Variants in SAMD12 observed in about 807,000 individuals in gnomAD.
SAMD12 encodes sterile alpha motif domain containing 12, also known as sterile alpha motif domain-containing protein 12.
SAMD12 carries 9 observed loss-of-function variants against 15.0 expected under a neutral mutation model. The ratio of observed to expected loss-of-function variants is 0.60; its 90% confidence interval spans 0.36 to 1.05. SAMD12 has a LOEUF of 1.05. Among genes scored for constraint, SAMD12 ranks in the 50% least tolerant of loss-of-function variants. The probability of loss-of-function intolerance (pLI) is 0.01; values close to 1 mark genes in which losing one functional copy is unlikely to be tolerated. For missense variants in SAMD12, 230 were observed against 234.2 expected (o/e 0.98, Z 0.12); for synonymous variants, 86 against 90.1 (o/e 0.96, Z 0.25).
chr8:118,170,233 C>A, the SAMD12 span, among the ~76,000 whole-genome samples: 48 of 152,176 alleles, frequency 3.2e-4, no homozygotes, highest in African/African-American at 1.1e-3. Flanking sequence ...AGATTAAATG[C>A]CATCCATACT....
the SAMD12 span, among the ~76,000 whole-genome samples, chr8:118,140,278 A>AT: frequency 0.062 from 9,128 of 147,942 alleles, 448 homozygotes; most frequent in Admixed American, 0.15. Flanking sequence ...TTTGTCTTTT[A>AT]TTTTTTTTTT....
chr8:118,448,751 A>T lies in SAMD12; in HGVS notation c.193-8790T>A, dbSNP rs61421166. 2.0e-4 allele frequency among the ~76,000 whole-genome samples: 30 copies of T among 152,328 alleles called. 1 individual carries two copies. Among genetic ancestry groups the T allele is most frequent in the Admixed American group, 1.7e-3 (26 of 15,308 alleles). ...AACTGACACAGAGAGTGATGTGATAAAACAAACTTGGCATTTGGAATCATG... is the reference window on the plus strand; with the variant it reads ...AACTGACACAGAGAGTGATGTGATATAACAAACTTGGCATTTGGAATCATG... On this transcript the variant is annotated intron_variant, in intron 2 of 3. Coordinates refer to ENST00000314727, the MANE Select transcript of SAMD12 (RefSeq NM_207506.3).
chr8:118,508,683 A>C (rs905386478), intron 2 of SAMD12, among the ~76,000 whole-genome samples: 1 of 152,158 alleles, frequency 6.6e-6, no homozygotes, highest in Non-Finnish European at 1.5e-5. Context: ...ATTATCATCA[A>C]ATATGGGGAG....
intron 1 of SAMD12, among the ~76,000 whole-genome samples, chr8:118,609,557 A>AG (rs1828058768): frequency 6.6e-6 from 1 of 152,188 alleles, no homozygotes. Flanking sequence ...AGAGTCCTGA[A>AG]GAGTTGGAAG....
At chr8:118,307,063 T>C (rs1257372025) in intron 4 of SAMD12, among the ~76,000 whole-genome samples, 1 of 152,178 alleles carries the variant, frequency 6.6e-6, no homozygotes, top group Non-Finnish European at 1.5e-5. Flanking sequence ...CCTGGGAACA[T>C]TGTTCCTTGG....
At chr8:118,409,072 A>G (rs1821272579) in intron 3 of SAMD12, among the ~76,000 whole-genome samples, 2 of 152,004 alleles carry the variant, frequency 1.3e-5, no homozygotes, top group African/African-American at 4.8e-5. Flanking sequence ...CTAAGAAAAA[A>G]TTCAATTATT....
At chr8:118,151,829 C>CAA in the SAMD12 span, among the ~76,000 whole-genome samples, 1 of 57,430 alleles carries the variant, frequency 1.7e-5, no homozygotes. Context: ...GACTCTGTCT[C>CAA]AAAAAAAAAG....
In SAMD12 at chr8:118,197,670, T is replaced by C. The variant is rs73316076; in HGVS notation, c.*40A>G. 1.0e-3 allele frequency: 1,634 copies of C among 1,569,936 alleles called. 15 individuals are homozygous for C. The African/African-American group carries it at 0.019, about 18-fold the overall frequency. The stretch of plus-strand genomic sequence containing the variant: ...TTCTGTGAGGAACAGGCCATGTTCA[T>C]ATCAACTGGCAGGACAGCAGCTTGG... On this transcript the variant is annotated 3_prime_UTR_variant, in exon 5 of 5. Transcript: ENST00000409003.
intron 2 of SAMD12, among the ~76,000 whole-genome samples, chr8:118,474,290 AATTATC>A (rs1823893863): frequency 2.0e-5 from 3 of 152,186 alleles, no homozygotes; most frequent in African/African-American, 4.8e-5. Context: ...AGCCCAACAT[AATTATC>A]ATTATCATCA....
At chr8:118,231,227 G>A (rs1165299948) in intron 4 of SAMD12, among the ~76,000 whole-genome samples, 1 of 152,172 alleles carries the variant, frequency 6.6e-6, no homozygotes, top group Non-Finnish European at 1.5e-5. Context: ...AGGGAGCCAG[G>A]CTTTAGATCA....
chr8:118,390,014 CTT>C (rs904303060), intron 3 of SAMD12, among the ~76,000 whole-genome samples: 1 of 149,062 alleles, frequency 6.7e-6, no homozygotes, highest in Non-Finnish European at 1.5e-5. Context: ...TCAAATTTAA[CTT>C]TTTTTTTTGA....
At chr8:118,317,584 C>T (rs1057251134) in intron 4 of SAMD12, among the ~76,000 whole-genome samples, 30 of 152,122 alleles carry the variant, frequency 2.0e-4, no homozygotes, top group African/African-American at 7.2e-4. Context: ...CTACTCTTTA[C>T]TATTAGAATT....
chr8:118,554,135 G>A (rs1826443008), intron 2 of SAMD12, among the ~76,000 whole-genome samples: 1 of 152,044 alleles, frequency 6.6e-6, no homozygotes, highest in Non-Finnish European at 1.5e-5. Flanking sequence ...TGATTCCTCA[G>A]GGATCTAGAA....
chr8:118,155,090 AT>A, the SAMD12 span, among the ~76,000 whole-genome samples: 1 of 152,172 alleles, frequency 6.6e-6, no homozygotes, highest in Non-Finnish European at 1.5e-5. Flanking sequence ...TTAAACTTTA[AT>A]TCTGAATATA....
At chr8:118,399,557 T>G (rs1158267414) in intron 3 of SAMD12, among the ~76,000 whole-genome samples, 3 of 152,126 alleles carry the variant, frequency 2.0e-5, no homozygotes, top group Non-Finnish European at 4.4e-5. Flanking sequence ...GGTACCCTAG[T>G]TCCAACTCAG....
rs575761324 is a variant in SAMD12 at position 118,577,297 on chromosome 8, T to A, written c.192+3418A>T. Reference sequence around the variant, plus strand: ...AATTGGGGCTAAGGGTCCCAAAATGTCACTTTCTAAGATAGAGTATTATTC... The same window carrying A: ...AATTGGGGCTAAGGGTCCCAAAATGACACTTTCTAAGATAGAGTATTATTC... On this transcript the variant is annotated intron_variant, in intron 2 of 3. Transcript: ENST00000314727. Among the ~76,000 whole-genome samples, 4 of 152,300 alleles carry A rather than the reference T, an allele frequency of 2.6e-5. No individual in the cohort carries two copies. In the South Asian group the frequency reaches 8.3e-4, roughly 32 times the overall value.
At chr8:118,580,596 T>A (rs753046321) in intron 2 of SAMD12, 119 bp downstream of exon 2, 5 of 699,766 alleles carry the variant, frequency 7.1e-6, no homozygotes, top group Non-Finnish European at 1.3e-5. Flanking sequence ...ACAGTGCTCA[T>A]TTGACCACAG....
intron 4 of SAMD12, among the ~76,000 whole-genome samples, chr8:118,287,189 A>C (rs923798103): frequency 1.5e-4 from 21 of 143,298 alleles, no homozygotes; most frequent in Middle Eastern, 4.2e-3. Context: ...CAGTGGCTCT[A>C]TCTCGGCTCA....
chr8:118,447,696 T>G (rs956246281), intron 2 of SAMD12, among the ~76,000 whole-genome samples: 1 of 134,450 alleles, frequency 7.4e-6, no homozygotes, highest in African/African-American at 3.1e-5. Flanking sequence ...TTTTATTTTT[T>G]ATTTTTAATA....
Sources: allele counts gnomAD v4.1 joint callset (sites outside exome capture counted in the v4.1 genomes callset), GRCh38; gene constraint gnomAD v4.1.1; transcripts MANE v1.5; gene names NCBI Gene and HGNC (gene_info 2026-07-23, HGNC 2026-07-21).